The following ACSM2B variants were observed in gnomAD, a reference collection of about 807,000 sequenced individuals.
ACSM2B encodes the protein acyl-CoA synthetase medium chain family member 2B.
In ACSM2B, 58 loss-of-function variants were observed where a neutral mutation model predicts 78.6. The ratio of observed to expected loss-of-function variants is 0.74; its 90% CI spans 0.60 to 0.92. The LOEUF (loss-of-function observed/expected upper bound fraction) is 0.92. ACSM2B is among the 40% of genes least tolerant of loss of function. The pLI, the probability that ACSM2B is intolerant of heterozygous loss-of-function variation, is 0.00. For missense variants in ACSM2B, 688 were observed against 711.2 expected (o/e 0.97, Z 0.37); for synonymous variants, 257 against 256.8 (o/e 1.00, Z -0.01).
intron 3 of ACSM2B, among the ~76,000 whole-genome samples, chr16:20,556,195 A>C (rs570879219): frequency 5.3e-5 from 8 of 152,346 alleles, no homozygotes; most frequent in Admixed American, 1.3e-4. Context: ...TATCTTAAAA[A>C]ATTAGACTTA....
intron 2 of ACSM2B, among the ~76,000 whole-genome samples, chr16:20,562,249 G>A (rs556152208): frequency 6.6e-6 from 1 of 152,078 alleles, no homozygotes; most frequent in South Asian, 2.1e-4. Context: ...GATGCACAAG[G>A]GTTCTAATTT....
At chr16:20,569,384 G>T (rs781429667) in intron 1 of ACSM2B, among the ~76,000 whole-genome samples, 1 of 151,718 alleles carries the variant, frequency 6.6e-6, no homozygotes, top group Non-Finnish European at 1.5e-5. Context: ...AAATATTTGG[G>T]TTTATTTCTG....
At chr16:20,549,605 T>C (rs746767619) in intron 6 of ACSM2B, 35 of 270,634 alleles carry the variant, frequency 1.3e-4, no homozygotes, top group Admixed American at 3.4e-4. Flanking sequence ...GGAGCCAAAC[T>C]CTGTAAAATA....
chr16:20,550,739 C>G (rs577154102), intron 6 of ACSM2B, among the ~76,000 whole-genome samples: 4 of 151,948 alleles, frequency 2.6e-5, no homozygotes, highest in Non-Finnish European at 5.9e-5. Context: ...AATAACCCAA[C>G]CCCTCTATCA....
rs1188057789 is a variant in ACSM2B, at chr16:20,540,759, A to G, written c.1524T>C (p.Phe508=). ...DPVRGEVVKA[F]VILASQFLSH... The stretch of plus-strand genomic sequence containing the variant: ...ATAGGAACTGCGAGGCCAGGATCAC[A>G]AATGCCTTCACCACCTGCAAAATAG... Residue 508 remains phenylalanine (F), a synonymous_variant, in exon 13 of 14, where the codon TTT becomes TTC. Coordinates refer to ENST00000329697, the MANE Select transcript of ACSM2B (RefSeq NM_001105069.2). The G allele has an allele frequency of 6.2e-7, 1 of 1,613,820 alleles. No individual in the cohort carries two copies. Among genetic ancestry groups the G allele is most frequent in the Non-Finnish European group, 8.5e-7 (1 of 1,179,886 alleles).
chr16:20,557,463 G>T (rs369786186), intron 3 of ACSM2B, among the ~76,000 whole-genome samples: 14 of 151,960 alleles, frequency 9.2e-5, no homozygotes, highest in African/African-American at 2.7e-4. Flanking sequence ...CAACCAAACT[G>T]AAGCCATCAC....
chr16:20,557,766 C>T (rs576922992), intron 3 of ACSM2B, among the ~76,000 whole-genome samples: 1 of 152,142 alleles, frequency 6.6e-6, no homozygotes, highest in Non-Finnish European at 1.5e-5. Context: ...ACACAGATAT[C>T]CTTTTAGGTT....
intron 13 of ACSM2B, 35 bp from the exon 14 acceptor site, chr16:20,537,397 C>T (rs202151005): frequency 6.2e-7 from 1 of 1,609,472 alleles, no homozygotes; most frequent in Non-Finnish European, 8.5e-7. Context: ...GGTGGGTGAT[C>T]TGTGATGACA....
intron 12 of ACSM2B, 81 bp from the exon 13 acceptor site, chr16:20,540,854 A>G: frequency 6.4e-7 from 1 of 1,556,872 alleles, no homozygotes; most frequent in Non-Finnish European, 8.8e-7. Context: ...TAGCATTAAG[A>G]CTTGCATCAC....
intron 3 of ACSM2B, among the ~76,000 whole-genome samples, chr16:20,556,596 C>T (rs2015481681): frequency 6.6e-6 from 1 of 152,070 alleles, no homozygotes; most frequent in South Asian, 2.1e-4. Context: ...AGGGAGACTC[C>T]ATCTCAAAAA....
chr16:20,566,722 A>ATATAGTATC (rs2015887591), intron 1 of ACSM2B, among the ~76,000 whole-genome samples: 1 of 36,112 alleles, frequency 2.8e-5, no homozygotes, highest in African/African-American at 1.6e-4. Context: ...TATATAGTAT[A>ATATAGTATC]TACTATATAT....
In ACSM2B at chr16:20,548,109, C is replaced by T; in HGVS notation, c.1051G>A (p.Ala351Thr). Residue 351 changes from alanine (A) to threonine (T), a missense_variant, in exon 8 of 14, where the codon GCC (alanine) becomes ACC (threonine). Coordinates refer to ENST00000329697, the MANE Select transcript of ACSM2B (RefSeq NM_001105069.2). The stretch of plus-strand genomic sequence containing the variant: ...TCTCGGATGTCCAGTCCTGTCTGGG[C>T]CCTCCAGTTCTCCAGAGTTTCTGGA... The part of the protein sequence containing the change: ...LLPETLENWR[A>T]QTGLDIREFY... 6.2e-7 allele frequency: 1 copy of T among 1,614,050 alleles called. No homozygotes were observed. Among genetic ancestry groups the T allele is most frequent in the Non-Finnish European group, 8.5e-7 (1 of 1,179,936 alleles).
intron 1 of ACSM2B, 59 bp downstream of exon 1, chr16:20,576,148 A>G (rs934648942): frequency 8.6e-5 from 13 of 150,924 alleles, no homozygotes; most frequent in African/African-American, 2.9e-4. Flanking sequence ...ACTCTAAAAG[A>G]TTGGTGAGGT....
chr16:20,573,745 A>G (rs888388957), intron 1 of ACSM2B, among the ~76,000 whole-genome samples: 1 of 151,610 alleles, frequency 6.6e-6, no homozygotes, highest in Non-Finnish European at 1.5e-5. Flanking sequence ...TGGTAGGACT[A>G]TGATGGTGAC....
intron 6 of ACSM2B, 64 bp from the exon 7 acceptor site, chr16:20,548,537 C>G: frequency 6.2e-7 from 1 of 1,611,238 alleles, no homozygotes; most frequent in South Asian, 1.1e-5. Flanking sequence ...TGGCTATGCA[C>G]AGTGGTTACA....
rs1567218221 is a variant in ACSM2B at position 20,566,673 on chromosome 16, ATACATATAG to A, written c.-8-1829_-8-1821del. Among the ~76,000 whole-genome samples, 37 of 19,100 alleles carry A rather than the reference ATACATATAG, an allele frequency of 1.9e-3. 1 individual carries two copies. Among genetic ancestry groups the A allele is most frequent in the African/African-American group, 0.014 (34 of 2,376 alleles). 12.5% of individuals were successfully genotyped at this position (19,100 alleles called of 152,430 possible). On this transcript the variant is annotated intron_variant, in intron 1 of 13. Coordinates refer to ENST00000329697, the MANE Select transcript of ACSM2B (RefSeq NM_001105069.2). ...TACTATATATATGTATATATAGTATATACATATAGTATATACTATATATAGTATATATAT... is the reference window on the plus strand; with the variant it reads ...TACTATATATATGTATATATAGTATATATATACTATATATAGTATATATAT...
In ACSM2B at chr16:20,555,349, A is replaced by G; in HGVS notation, c.516T>C (p.Ser172=). ...GCTTAATTCTCAGAGAAGGACATTC[A>G]GATGCCACTGTGTCCACTTCTTGGA... ...EVIQEVDTVA[S]ECPSLRIKLL... is the part of the protein sequence containing the mutation. Residue 172 remains serine (S), a synonymous_variant, in exon 4 of 14, where the codon TCT becomes TCC. Coordinates refer to ENST00000329697, the MANE Select transcript of ACSM2B (RefSeq NM_001105069.2). The G allele has an allele frequency of 6.2e-7, 1 of 1,613,972 alleles. No homozygotes were observed.
At chr16:20,538,147 T>C (rs1228289347) in intron 13 of ACSM2B, among the ~76,000 whole-genome samples, 1 of 152,172 alleles carries the variant, frequency 6.6e-6, no homozygotes, top group Non-Finnish European at 1.5e-5. Flanking sequence ...TAACGCTTTA[T>C]TAACTTTAAT....
chr16:20,555,609 A>G, intron 3 of ACSM2B, 133 bp from the exon 4 acceptor site: 1 of 1,477,648 alleles, frequency 6.8e-7, no homozygotes, highest in Non-Finnish European at 9.0e-7. Context: ...GGAGAACGTC[A>G]ATAAAAAAGG....
Sources: allele counts gnomAD v4.1 joint callset (sites outside exome capture counted in the v4.1 genomes callset), GRCh38; gene constraint gnomAD v4.1.1; transcripts MANE v1.5; gene names NCBI Gene and HGNC (gene_info 2026-07-23, HGNC 2026-07-21).